The following RBM20 variants were observed in gnomAD, a reference collection of about 807,000 sequenced individuals.
RBM20 encodes RNA binding motif protein 20, also known as RNA-binding protein 20.
A neutral mutation model predicts 110.1 loss-of-function variants in RBM20; 51 were observed. The ratio of observed to expected loss-of-function variants is 0.46; its 90% confidence interval spans 0.37 to 0.59. The LOEUF is 0.59. Among genes scored for constraint, RBM20 ranks in the 20% least tolerant of loss-of-function variants. RBM20 has a pLI of 0.00. For synonymous variants in RBM20, 589 were observed against 618.2 expected (o/e 0.95, Z 0.70); for missense variants, 1,512 against 1,574.9 (o/e 0.96, Z 0.68).
intron 5 of RBM20, among the ~76,000 whole-genome samples, chr10:110,786,433 G>A (rs909713914): frequency 5.3e-5 from 8 of 152,250 alleles, no homozygotes; most frequent in Non-Finnish European, 7.3e-5. Flanking sequence ...GCGGAAAAGC[G>A]AGGTGGTTCA....
intron 1 of RBM20, among the ~76,000 whole-genome samples, chr10:110,675,282 CA>C (rs1374995377): frequency 2.0e-5 from 3 of 151,786 alleles, no homozygotes; most frequent in Non-Finnish European, 4.4e-5. Flanking sequence ...TTGTGATAGT[CA>C]AAAAAATAGG....
intron 1 of RBM20, among the ~76,000 whole-genome samples, chr10:110,646,083 T>G (rs932952233): frequency 5.9e-5 from 9 of 152,208 alleles, no homozygotes; most frequent in South Asian, 4.1e-4. Context: ...CAATTATTAA[T>G]TTGGAAACAT....
chr10:110,813,616 C>T (rs1276030484), intron 9 of RBM20, among the ~76,000 whole-genome samples: 4 of 152,048 alleles, frequency 2.6e-5, no homozygotes, highest in African/African-American at 9.7e-5. Context: ...AGGCAGATCA[C>T]CTGAGGTCAG....
At chr10:110,656,041 C>T (rs1417280791) in intron 1 of RBM20, among the ~76,000 whole-genome samples, 1 of 152,114 alleles carries the variant, frequency 6.6e-6, no homozygotes, top group African/African-American at 2.4e-5. Flanking sequence ...TGGCTCACGC[C>T]TATAATCCCA....
At chr10:110,774,725 G>A (rs559333496) in intron 1 of RBM20, among the ~76,000 whole-genome samples, 1 of 152,124 alleles carries the variant, frequency 6.6e-6, no homozygotes, top group South Asian at 2.1e-4. Context: ...GAATGAGTGA[G>A]TTAAACTAAA....
In RBM20 at chr10:110,768,904, TTGACCCTTTGTGGACTTG is replaced by T. The variant is rs569405175; in HGVS notation, c.192-11877_192-11860del. ...AGAAATATTTTTAGCTGTATTGTGT[TTGACCCTTTGTGGACTTG>T]TGACCCTTTGTGGACTTGTAGAAAT... On this transcript the variant is annotated intron_variant, in intron 1 of 13. Transcript: ENST00000369519. 3.4e-3 allele frequency among the ~76,000 whole-genome samples: 521 copies of T among 152,374 alleles called. 1 individual carries two copies. Among genetic ancestry groups the T allele is most frequent in the Non-Finnish European group, 5.7e-3 (390 of 68,042 alleles).
At chr10:110,684,514 C>A (rs1369321553) in intron 1 of RBM20, among the ~76,000 whole-genome samples, 1 of 152,070 alleles carries the variant, frequency 6.6e-6, no homozygotes, top group Non-Finnish European at 1.5e-5. Flanking sequence ...AAAACAACAA[C>A]CAAAAAATAA....
rs61862867 is a variant in RBM20, at chr10:110,781,920, G to A, written c.1275+36G>A. 431,152 of 1,550,632 alleles carry A rather than the reference G, an allele frequency of 0.28. 64,382 individuals are homozygous for A. The highest frequency in any genetic ancestry group is 0.31 in the Non-Finnish European group (355,021 of 1,146,334). ...CAAGACAGGCTGGGAGCCACAGCTA[G>A]AAGCCTGGGCAGGCCTTTCCCCATG... On this transcript the variant is annotated intron_variant, in intron 2 of 13. Coordinates refer to ENST00000369519, the MANE Select transcript of RBM20 (RefSeq NM_001134363.3).
At chr10:110,691,673 A>G (rs1554890150) in intron 1 of RBM20, among the ~76,000 whole-genome samples, 10 of 152,088 alleles carry the variant, frequency 6.6e-5, no homozygotes, top group Non-Finnish European at 1.5e-4. Context: ...TCAGAATATA[A>G]CCCTTTATCA....
At chr10:110,751,105 T>C (rs1843847720) in intron 1 of RBM20, among the ~76,000 whole-genome samples, 1 of 152,224 alleles carries the variant, frequency 6.6e-6, no homozygotes, top group Non-Finnish European at 1.5e-5. Flanking sequence ...TACATACTTA[T>C]AGCTATCACT....
intron 1 of RBM20, among the ~76,000 whole-genome samples, chr10:110,696,418 G>A (rs1862664418): frequency 6.6e-6 from 1 of 152,188 alleles, no homozygotes; most frequent in African/African-American, 2.4e-5. Context: ...CCTCCCCTTT[G>A]CTGATTGCTG....
intron 1 of RBM20, among the ~76,000 whole-genome samples, chr10:110,770,280 A>C (rs1050042420): frequency 2.0e-5 from 3 of 152,088 alleles, no homozygotes; most frequent in African/African-American, 7.2e-5. Flanking sequence ...CTTGTCAGAA[A>C]CTGAGGTACC....
intron 1 of RBM20, among the ~76,000 whole-genome samples, chr10:110,779,569 A>G (rs189622361): frequency 3.9e-5 from 6 of 152,236 alleles, no homozygotes; most frequent in African/African-American, 1.4e-4. Flanking sequence ...GGTCAGAAGC[A>G]TGAGTAAAAC....
At chr10:110,687,052 A>G (rs919841982) in intron 1 of RBM20, among the ~76,000 whole-genome samples, 1 of 151,976 alleles carries the variant, frequency 6.6e-6, no homozygotes, top group Non-Finnish European at 1.5e-5. Flanking sequence ...GAAAAAAAAA[A>G]AAAAAGAAAA....
chr10:110,777,066 C>G (rs144057076), intron 1 of RBM20, among the ~76,000 whole-genome samples: 1 of 152,332 alleles, frequency 6.6e-6, no homozygotes, highest in Non-Finnish European at 1.5e-5. Context: ...AGCCATACCC[C>G]TTATCTTCCT....
intron 5 of RBM20, among the ~76,000 whole-genome samples, chr10:110,793,205 G>T (rs1844506406): frequency 6.6e-6 from 1 of 152,214 alleles, no homozygotes; most frequent in Non-Finnish European, 1.5e-5. Context: ...GCTGGGGATT[G>T]AACCCAGGCC....
chr10:110,774,907 G>C (rs1351375970), intron 1 of RBM20, among the ~76,000 whole-genome samples: 1 of 152,118 alleles, frequency 6.6e-6, no homozygotes, highest in Non-Finnish European at 1.5e-5. Context: ...TAGCAGAGTT[G>C]AGAATTTTTG....
rs1438422166 is a variant in RBM20 at position 110,836,145 on chromosome 10, A to C, written c.*167A>C. On this transcript the variant is annotated 3_prime_UTR_variant, in exon 14 of 14. Coordinates refer to ENST00000369519, the MANE Select transcript of RBM20 (RefSeq NM_001134363.3). ...CCAGAGACTCAGTGAAATGCCCCTG[A>C]TATGTCTCCAGGAGCAAGTCACCCA... 3 of 495,452 alleles carry C rather than the reference A, an allele frequency of 6.1e-6. No individual in the cohort carries two copies. The highest frequency in any genetic ancestry group is 7.1e-6 in the Non-Finnish European group (2 of 280,780). The allele number at this position is 495,452 out of a possible 1,614,324, so 30.7% of individuals were successfully genotyped here. A position where few individuals can be genotyped will look rare whatever the true frequency, so the allele number is the denominator to read the frequency against.
At chr10:110,754,139 C>G (rs1020076340) in intron 1 of RBM20, among the ~76,000 whole-genome samples, 2 of 152,150 alleles carry the variant, frequency 1.3e-5, no homozygotes, top group African/African-American at 4.8e-5. Context: ...ATAGATTTGT[C>G]ATTATTTTCT....
Sources: allele counts gnomAD v4.1 joint callset (sites outside exome capture counted in the v4.1 genomes callset), GRCh38; gene constraint gnomAD v4.1.1; transcripts MANE v1.5; gene names NCBI Gene and HGNC (gene_info 2026-07-23, HGNC 2026-07-21).